PAH: variants seen among roughly 807,000 people sequenced by gnomAD.
PAH encodes phenylalanine hydroxylase.
In PAH, 64 loss-of-function variants were observed where a neutral mutation model predicts 62.0. The ratio of observed to expected loss-of-function variants is 1.03; its 90% CI spans 0.84 to 1.27. The LOEUF (loss-of-function observed/expected upper bound fraction) is 1.27. Ranked by LOEUF, PAH falls within the 50% of genes most tolerant of loss-of-function variation. PAH has a pLI of 0.00. For missense variants in PAH, 579 were observed against 542.8 expected (o/e 1.07, Z -0.66); for synonymous variants, 195 against 196.2 (o/e 0.99, Z 0.05).
chr12:102,895,334 G>A (rs1877454715), intron 2 of PAH, among the ~76,000 whole-genome samples: 1 of 152,020 alleles, frequency 6.6e-6, no homozygotes, highest in African/African-American at 2.4e-5. Context: ...CTTGAATAGG[G>A]GGTCAGACTT....
At chr12:102,930,946 A>C (rs1244009710) in intron 1 of PAH, among the ~76,000 whole-genome samples, 1 of 152,144 alleles carries the variant, frequency 6.6e-6, no homozygotes, top group Non-Finnish European at 1.5e-5. Flanking sequence ...TAAAAAAACA[A>C]ATTTCAATCA....
rs1166069532 is a variant in PAH, at chr12:102,899,858, C to CAAA, written c.169-4943_169-4941dup. On this transcript the variant is annotated intron_variant, in intron 2 of 12. Transcript: ENST00000553106. ...TGGGCGACAGAGCGAGACTCCGTCT[C>CAAA]AAAAAAAAAAAAAAAAAAAAAAAAA... 8.3e-3 allele frequency among the ~76,000 whole-genome samples: 79 copies of CAAA among 9,538 alleles called. 20 individuals are homozygous for CAAA. The highest frequency in any genetic ancestry group is 0.02 in the East Asian group (6 of 304). The allele number at this position is 9,538 out of a possible 152,430, so 6.3% of individuals were successfully genotyped here.
chr12:102,903,696 G>A (rs1397557795), intron 2 of PAH, among the ~76,000 whole-genome samples: 1 of 152,160 alleles, frequency 6.6e-6, no homozygotes, highest in Non-Finnish European at 1.5e-5. Context: ...AGCAGTTTTT[G>A]TCTCTAAGTG....
chr12:102,895,869 A>AAATATATATAT (rs953209518), intron 2 of PAH, among the ~76,000 whole-genome samples: 1 of 118,742 alleles, frequency 8.4e-6, no homozygotes, highest in African/African-American at 3.6e-5. Context: ...AAAAAAAAAA[A>AAATATATATAT]ATATATATAT....
At chr12:102,875,895 C>T (rs1175578618) in intron 4 of PAH, among the ~76,000 whole-genome samples, 1 of 151,230 alleles carries the variant, frequency 6.6e-6, no homozygotes, top group East Asian at 1.9e-4. Context: ...CACAAACACA[C>T]ACACACATAT....
At chr12:102,917,261 T>C (rs1202975480), upstream of PAH, 1 of 789,688 alleles carries the variant, frequency 1.3e-6, no homozygotes, top group East Asian at 2.7e-5. Context: ...GGGTGTCTCT[T>C]GCGTGGTGCA....
chr12:102,916,144 ATT>A (rs67729086), intron 1 of PAH, among the ~76,000 whole-genome samples: 53,307 of 149,922 alleles, frequency 0.36, 9,984 homozygotes, highest in African/African-American at 0.46. Context: ...TTCATAAGAA[ATT>A]TTTTTTTTTA....
chr12:102,858,053 G>C (rs983226457), intron 5 of PAH, among the ~76,000 whole-genome samples: 9 of 152,062 alleles, frequency 5.9e-5, no homozygotes, highest in South Asian at 2.1e-4. Context: ...GAGTCAAGAC[G>C]TATCAGTGTG....
At chr12:102,845,448 C>T (rs1394138031) in intron 9 of PAH, among the ~76,000 whole-genome samples, 2 of 152,184 alleles carry the variant, frequency 1.3e-5, no homozygotes, top group African/African-American at 4.8e-5. Context: ...GAGAATGTCC[C>T]ATCATCCATG....
intron 1 of PAH, among the ~76,000 whole-genome samples, chr12:102,933,854 C>T (rs533107252): frequency 1.3e-5 from 2 of 152,114 alleles, no homozygotes; most frequent in Admixed American, 6.5e-5. Context: ...AACTGGTTGT[C>T]GGATGTAGAG....
intron 2 of PAH, among the ~76,000 whole-genome samples, chr12:102,907,275 AT>A (rs1565871326): frequency 6.6e-6 from 1 of 152,144 alleles, no homozygotes. Flanking sequence ...GGATATTTGC[AT>A]TTTTTAAAAA....
chr12:102,873,627 C>T, intron 4 of PAH, among the ~76,000 whole-genome samples: 1 of 152,166 alleles, frequency 6.6e-6, no homozygotes, highest in East Asian at 1.9e-4. Context: ...ATAGCACATG[C>T]TATCTGACTC....
intron 2 of PAH, among the ~76,000 whole-genome samples, chr12:102,901,601 T>A (rs1877763615): frequency 7.0e-6 from 1 of 142,198 alleles, no homozygotes; most frequent in Non-Finnish European, 1.5e-5. Flanking sequence ...TTTTTTTTAA[T>A]TTTTTTTTTG....
At chr12:102,846,607 C>T (rs1874855734) in intron 9 of PAH, among the ~76,000 whole-genome samples, 1 of 152,228 alleles carries the variant, frequency 6.6e-6, no homozygotes, top group Non-Finnish European at 1.5e-5. Context: ...TTCATACACA[C>T]ACTTTATGCC....
At chr12:102,899,921 A>G (rs114122969) in intron 2 of PAH, among the ~76,000 whole-genome samples, 15,603 of 148,832 alleles carry the variant, frequency 0.1, 982 homozygotes, top group Non-Finnish European at 0.14. Flanking sequence ...GTATTAAAAA[A>G]CGTGTCAGTA....
At chr12:102,899,858 CAAAAAAAAAAAAA>C (rs1166069532) in intron 2 of PAH, among the ~76,000 whole-genome samples, 4 of 9,530 alleles carry the variant, frequency 4.2e-4, no homozygotes, top group Non-Finnish European at 5.9e-4. Flanking sequence ...GACTCCGTCT[CAAAAAAAAAAAAA>C]AAAAAAAAAA....
At chr12:102,867,527 A>G (rs990889454) in intron 4 of PAH, among the ~76,000 whole-genome samples, 3 of 152,162 alleles carry the variant, frequency 2.0e-5, no homozygotes, top group Non-Finnish European at 4.4e-5. Context: ...TGCAGTCTAA[A>G]TTTTGGTAAG....
intron 1 of PAH, among the ~76,000 whole-genome samples, chr12:102,937,105 A>G (rs1173876718): frequency 6.6e-6 from 1 of 152,142 alleles, no homozygotes; most frequent in African/African-American, 2.4e-5. Context: ...CTTATCCTTC[A>G]TTATTGTAAG....
At chr12:102,868,151 TATACAC>T (rs1289233902) in intron 4 of PAH, among the ~76,000 whole-genome samples, 3 of 6,902 alleles carry the variant, frequency 4.3e-4, no homozygotes, top group Non-Finnish European at 6.8e-4. Flanking sequence ...TATATATATA[TATACAC>T]ATATATATAC....
Sources: gnomAD v4.1 joint callset for allele counts (sites outside exome capture counted in the v4.1 genomes callset) on GRCh38, gnomAD v4.1.1 for gene constraint, MANE v1.5 for transcripts, NCBI Gene and HGNC (gene_info 2026-07-23, HGNC 2026-07-21) for gene names.